The following TNS3 variants were observed in gnomAD, a reference collection of about 807,000 sequenced individuals.
The protein encoded by TNS3 is tensin 3.
A neutral mutation model predicts 140.9 loss-of-function variants in TNS3; 45 were observed. That is an observed-to-expected ratio of 0.32 (90% confidence interval 0.25 to 0.41). The LOEUF (loss-of-function observed/expected upper bound fraction) is 0.41, where lower values mean the gene tolerates loss of function less well. Among genes scored for constraint, TNS3 ranks in the 10% least tolerant of loss-of-function variants. The pLI is 1.00. For synonymous variants in TNS3, 815 were observed against 788.4 expected, an observed-to-expected ratio of 1.03 and a Z score of -0.56; for missense variants, 1,716 against 1,906.7, an observed-to-expected ratio of 0.90 and a Z score of 1.86.
chr7:47,551,227 C>T (rs767080463), intron 1 of TNS3, among the ~76,000 whole-genome samples: 2 of 152,200 alleles, frequency 1.3e-5, no homozygotes, highest in African/African-American at 2.4e-5. Context: ...CCTGAGCTCC[C>T]GGGCAGAAGG....
intron 1 of TNS3, among the ~76,000 whole-genome samples, chr7:47,575,492 T>G (rs1442233961): frequency 6.6e-6 from 1 of 152,116 alleles, no homozygotes; most frequent in Non-Finnish European, 1.5e-5. Context: ...AAAACTATTT[T>G]GTAGAAAAAT....
chr7:47,381,107 G>A (rs1791731236), intron 16 of TNS3, among the ~76,000 whole-genome samples: 1 of 152,218 alleles, frequency 6.6e-6, no homozygotes, highest in East Asian at 1.9e-4. Context: ...CCTCCTGGGA[G>A]TCCCTCACCA....
Position 47,291,090 on chromosome 7 carries a change from A to C in TNS3, c.3928+865T>G, listed in dbSNP as rs939431347. 2.0e-5 allele frequency among the ~76,000 whole-genome samples: 3 copies of C among 152,234 alleles called. No individual in the cohort carries two copies. In the South Asian group the frequency reaches 6.2e-4, roughly 32 times the overall value. On this transcript the variant is annotated intron_variant, in intron 27 of 30. Transcript: ENST00000311160. ...AGGAGCCAACCTCAAAAGGCTATGA[A>C]CTGTATGGTTTCAACTATATGACAA...
chr7:47,327,654 G>A (rs1788097461), intron 20 of TNS3, among the ~76,000 whole-genome samples: 1 of 152,244 alleles, frequency 6.6e-6, no homozygotes, highest in Non-Finnish European at 1.5e-5. Flanking sequence ...CAAAGACAAA[G>A]CATGACTTTC....
intron 1 of TNS3, among the ~76,000 whole-genome samples, chr7:47,568,640 G>A (rs1031689057): frequency 5.3e-5 from 8 of 152,238 alleles, no homozygotes; most frequent in East Asian, 1.9e-4. Flanking sequence ...TCCACTCTGC[G>A]GTGTGCATCT....
At chr7:47,567,326 A>C (rs1800450722) in intron 1 of TNS3, among the ~76,000 whole-genome samples, 1 of 152,206 alleles carries the variant, frequency 6.6e-6, no homozygotes. Flanking sequence ...AGTCAATTGC[A>C]TTTCTATGTA....
intron 20 of TNS3, among the ~76,000 whole-genome samples, chr7:47,311,463 G>C (rs1170302489): frequency 1.3e-5 from 2 of 151,224 alleles, no homozygotes; most frequent in Non-Finnish European, 2.9e-5. Flanking sequence ...TAGAGAGAGA[G>C]AGAGAAAGAG....
At chr7:47,345,520 C>T in intron 18 of TNS3, among the ~76,000 whole-genome samples, 1 of 152,204 alleles carries the variant, frequency 6.6e-6, no homozygotes, top group East Asian at 1.9e-4. Context: ...CTATGAATAG[C>T]TTTTTTTTCT....
chr7:47,328,321 C>G (rs1032042012), intron 20 of TNS3, among the ~76,000 whole-genome samples: 5 of 152,232 alleles, frequency 3.3e-5, no homozygotes, highest in Non-Finnish European at 7.3e-5. Context: ...CTGGCCCCGC[C>G]TTGCTCACTG....
intron 4 of TNS3, among the ~76,000 whole-genome samples, chr7:47,458,445 G>C (rs1796345712): frequency 6.6e-6 from 1 of 152,238 alleles, no homozygotes; most frequent in Non-Finnish European, 1.5e-5. Context: ...TGTGCCTCCT[G>C]GATGCCCCAA....
intron 3 of TNS3, among the ~76,000 whole-genome samples, chr7:47,501,150 A>T (rs1798201245): frequency 7.8e-6 from 1 of 128,188 alleles, no homozygotes; most frequent in South Asian, 2.9e-4. Flanking sequence ...AGAGGAAGGG[A>T]GGAAGGAAAG....
chr7:47,552,920 G>A (rs1277281912), intron 1 of TNS3, among the ~76,000 whole-genome samples: 1 of 152,378 alleles, frequency 6.6e-6, no homozygotes, highest in Middle Eastern at 3.4e-3. Flanking sequence ...GAAATTAAAA[G>A]TGCTGCTCCA....
chr7:47,322,962 C>T (rs1787832015), intron 20 of TNS3, among the ~76,000 whole-genome samples: 1 of 152,182 alleles, frequency 6.6e-6, no homozygotes, highest in Non-Finnish European at 1.5e-5. Context: ...ATCACCAGGG[C>T]TTCCTACATA....
At chr7:47,336,537 A>T (rs1158288335) in intron 20 of TNS3, among the ~76,000 whole-genome samples, 1 of 152,142 alleles carries the variant, frequency 6.6e-6, no homozygotes, top group Non-Finnish European at 1.5e-5. Flanking sequence ...TTTATTGTTT[A>T]TTGAAGAATC....
intron 1 of TNS3, among the ~76,000 whole-genome samples, chr7:47,530,643 G>A (rs1214874225): frequency 1.3e-5 from 2 of 150,928 alleles, no homozygotes; most frequent in Admixed American, 6.6e-5. Flanking sequence ...GGCCAACACG[G>A]TGAAACCCCG....
chr7:47,525,524 T>C (rs1014540111), intron 2 of TNS3, among the ~76,000 whole-genome samples: 2 of 152,244 alleles, frequency 1.3e-5, no homozygotes, highest in Admixed American at 6.5e-5. Flanking sequence ...AAGCTGCTCC[T>C]GTGTGCATGC....
chr7:47,318,572 A>G (rs1211623818), intron 20 of TNS3, among the ~76,000 whole-genome samples: 2 of 152,196 alleles, frequency 1.3e-5, no homozygotes, highest in African/African-American at 4.8e-5. Context: ...CAGAAAAGAA[A>G]AGAGCCATCT....
At chr7:47,416,583 A>C (rs1053572462) in intron 10 of TNS3, among the ~76,000 whole-genome samples, 1 of 152,096 alleles carries the variant, frequency 6.6e-6, no homozygotes, top group Non-Finnish European at 1.5e-5. Flanking sequence ...AACAGGGCAA[A>C]ACCTCACAAG....
intron 17 of TNS3, among the ~76,000 whole-genome samples, chr7:47,358,990 GT>G (rs937849163): frequency 4.7e-4 from 72 of 152,280 alleles, no homozygotes; most frequent in African/African-American, 1.7e-3. Context: ...CAGTGGGGAA[GT>G]TCCCCAGCAA....
Sources: allele counts gnomAD v4.1 joint callset (sites outside exome capture counted in the v4.1 genomes callset), GRCh38; gene constraint gnomAD v4.1.1; transcripts MANE v1.5; gene names NCBI Gene and HGNC (gene_info 2026-07-23, HGNC 2026-07-21).